The following KCND3 variants were observed in gnomAD, a reference collection of about 807,000 sequenced individuals.
KCND3 encodes the protein potassium voltage-gated channel subfamily D member 3.
In KCND3, 9 loss-of-function variants were observed where a neutral mutation model predicts 51.1. That is an observed-to-expected ratio of 0.18 (90% CI 0.11 to 0.31). The LOEUF is 0.31. KCND3 is among the 10% of genes least tolerant of loss of function. The pLI is 1.00. For missense variants in KCND3, 526 were observed against 903.8 expected (o/e 0.58, Z 5.36); for synonymous variants, 349 against 368.0 (o/e 0.95, Z 0.59).
chr1:111,922,250 C>G (rs186393165), intron 2 of KCND3, among the ~76,000 whole-genome samples: 108 of 152,354 alleles, frequency 7.1e-4, no homozygotes, highest in African/African-American at 2.5e-3. Context: ...CCTTGAGGCT[C>G]TGCCTTGGAC....
chr1:111,928,273 T>C (rs1009495965), intron 2 of KCND3, among the ~76,000 whole-genome samples: 2 of 152,116 alleles, frequency 1.3e-5, no homozygotes, highest in Admixed American at 6.5e-5. Context: ...GAGGTCATGG[T>C]GCACTAGAAA....
chr1:111,870,730 G>T (rs1278018035), intron 2 of KCND3, among the ~76,000 whole-genome samples: 1 of 144,982 alleles, frequency 6.9e-6, no homozygotes, highest in Non-Finnish European at 1.5e-5. Context: ...AGAAAAAAAA[G>T]ACACAAAAAG....
intron 2 of KCND3, among the ~76,000 whole-genome samples, chr1:111,851,715 A>G (rs1667823071): frequency 6.6e-6 from 1 of 152,168 alleles, no homozygotes; most frequent in Non-Finnish European, 1.5e-5. Flanking sequence ...GTATTCCCCA[A>G]CGCAGCACCT....
intron 2 of KCND3, among the ~76,000 whole-genome samples, chr1:111,819,715 TCTC>T (rs1211237556): frequency 6.6e-6 from 1 of 152,100 alleles, no homozygotes. Context: ...CCTGCTTGTG[TCTC>T]CTCAGGCTGG....
chr1:111,832,018 G>A (rs1002453636), intron 2 of KCND3, among the ~76,000 whole-genome samples: 2 of 152,190 alleles, frequency 1.3e-5, no homozygotes, highest in Non-Finnish European at 2.9e-5. Context: ...TCCTCAATGG[G>A]GGGAATATAC....
In KCND3 at chr1:111,812,232, G is replaced by T. The variant is rs544683819; in HGVS notation, c.1107-25126C>A. 2.0e-5 allele frequency among the ~76,000 whole-genome samples: 3 copies of T among 152,338 alleles called. No homozygotes were observed. In the South Asian group the frequency reaches 6.2e-4, roughly 32 times the overall value. On this transcript the variant is annotated intron_variant, in intron 2 of 7. Transcript: ENST00000302127. ...GAAGGCCAACTCCCCGGCTCCACTGGTGGGTCTGGAGGAGCTGGTTTTCAC... is the reference window on the plus strand; with the variant it reads ...GAAGGCCAACTCCCCGGCTCCACTGTTGGGTCTGGAGGAGCTGGTTTTCAC...
intron 2 of KCND3, among the ~76,000 whole-genome samples, chr1:111,824,067 T>C (rs962124726): frequency 7.5e-6 from 1 of 133,404 alleles, no homozygotes; most frequent in Admixed American, 7.7e-5. Flanking sequence ...AGAGGCAAAC[T>C]AAAAACATTT....
intron 2 of KCND3, among the ~76,000 whole-genome samples, chr1:111,951,736 C>G (rs139715060): frequency 1.3e-5 from 2 of 152,106 alleles, no homozygotes; most frequent in Non-Finnish European, 2.9e-5. Flanking sequence ...AAGGAATAAG[C>G]GCTAAGAAGA....
intron 2 of KCND3, among the ~76,000 whole-genome samples, chr1:111,867,114 G>A (rs550172727): frequency 5.3e-5 from 8 of 152,114 alleles, no homozygotes; most frequent in Non-Finnish European, 1.2e-4. Context: ...AGCAGTAGTC[G>A]CTAATGAGTT....
intron 2 of KCND3, among the ~76,000 whole-genome samples, chr1:111,957,099 G>T (rs573556093): frequency 6.6e-6 from 1 of 152,264 alleles, no homozygotes; most frequent in East Asian, 1.9e-4. Flanking sequence ...CATTAATTAT[G>T]ATCCCTCTGA....
chr1:111,848,213 G>C (rs1008183624), intron 2 of KCND3, among the ~76,000 whole-genome samples: 3 of 152,234 alleles, frequency 2.0e-5, no homozygotes, highest in Admixed American at 6.5e-5. Flanking sequence ...ACGGGGAAGG[G>C]AGCTGGATCT....
chr1:111,794,268 CA>C, intron 2 of KCND3, among the ~76,000 whole-genome samples: 1 of 152,356 alleles, frequency 6.6e-6, no homozygotes, highest in Middle Eastern at 3.4e-3. Context: ...CTGACTTGTA[CA>C]ATTAATTGCT....
chr1:111,852,687 C>T (rs555270507), intron 2 of KCND3, among the ~76,000 whole-genome samples: 23 of 152,288 alleles, frequency 1.5e-4, no homozygotes, highest in Non-Finnish European at 1.5e-5. Flanking sequence ...GCAATTAGTT[C>T]CTGTGCATGC....
chr1:111,825,502 G>A (rs1266345051), intron 2 of KCND3, among the ~76,000 whole-genome samples: 1 of 152,156 alleles, frequency 6.6e-6, no homozygotes, highest in African/African-American at 2.4e-5. Context: ...TGTTGGATTT[G>A]TCTTCCATGG....
chr1:111,982,151 G>A lies in KCND3; in HGVS notation c.576C>T (p.Phe192=), dbSNP rs759120826. The A allele has an allele frequency of 1.2e-5, 19 of 1,613,880 alleles. No homozygotes were observed. Among genetic ancestry groups the A allele is most frequent in the Middle Eastern group, 1.6e-4 (1 of 6,084 alleles). The change falls in exon 2 of 8, where the codon TTC becomes TTT. Residue 192 remains phenylalanine (F), a synonymous_variant. Transcript: ENST00000302127. The surrounding 1 kb of genome is among the most constrained non-coding windows in gnomAD (Gnocchi z 8.5). ...ALVFYYVTGF[F]IAVSVITNVV... is the part of the protein sequence containing the mutation. ...CGTTGGTGATGACCGAGACAGCGAT[G>A]AAGAAGCCAGTCACGTAGTAGAAGA... is the stretch of plus-strand genomic sequence containing the variant.
chr1:111,978,268 G>A lies in KCND3; in HGVS notation c.1106+3353C>T, dbSNP rs534807411. On this transcript the variant is annotated intron_variant, in intron 2 of 7. Transcript: ENST00000302127. ...CCTTTACTCCACGTATCAGCTCTCT[G>A]TGCATCAGTCGGCCCTGCTCTGCAG... is the stretch of plus-strand genomic sequence containing the variant. Among the ~76,000 whole-genome samples, 3 of 152,344 alleles carry A rather than the reference G, an allele frequency of 2.0e-5. No individual in the cohort carries two copies. In the South Asian group the frequency reaches 6.2e-4, roughly 32 times the overall value.
chr1:111,792,284 G>A (rs896573697), intron 2 of KCND3, among the ~76,000 whole-genome samples: 2 of 152,244 alleles, frequency 1.3e-5, no homozygotes, highest in Admixed American at 6.5e-5. Context: ...GTTAACCCAC[G>A]TTAGGGATGA....
At chr1:111,975,633 C>T (rs1236560300) in intron 2 of KCND3, among the ~76,000 whole-genome samples, 3 of 152,124 alleles carry the variant, frequency 2.0e-5, no homozygotes, top group Admixed American at 2.0e-4. Context: ...GGCTCAAAAC[C>T]CTCCAGTGAC....
intron 3 of KCND3, among the ~76,000 whole-genome samples, chr1:111,784,484 T>C (rs1324154433): frequency 2.0e-5 from 3 of 152,156 alleles, no homozygotes; most frequent in Admixed American, 1.3e-4. Context: ...CTAAGGCAAA[T>C]AGTAATAGAC....
Sources: allele counts gnomAD v4.1 joint callset (sites outside exome capture counted in the v4.1 genomes callset), GRCh38; gene constraint gnomAD v4.1.1; non-coding constraint Gnocchi (gnomAD v3.1); transcripts MANE v1.5; gene names NCBI Gene and HGNC (gene_info 2026-07-23, HGNC 2026-07-21).